The following CATSPERB variants were observed in gnomAD, a reference collection of about 807,000 sequenced individuals.
The protein encoded by CATSPERB is cation channel sperm-associated auxiliary subunit beta.
CATSPERB carries 93 observed loss-of-function variants against 128.3 expected under a neutral mutation model. The ratio of observed to expected loss-of-function variants is 0.72; its 90% CI spans 0.61 to 0.86. The LOEUF (loss-of-function observed/expected upper bound fraction) is 0.86. Ranked by LOEUF, CATSPERB falls within the 40% of genes least tolerant of loss-of-function variation. The pLI is 0.00. For synonymous variants in CATSPERB, 381 were observed against 448.8 expected (o/e 0.85, Z 1.91); for missense variants, 1,153 against 1,329.5 (o/e 0.87, Z 2.06).
intron 2 of CATSPERB, among the ~76,000 whole-genome samples, chr14:91,728,448 C>A (rs1481165213): frequency 6.6e-6 from 1 of 152,142 alleles, no homozygotes; most frequent in African/African-American, 2.4e-5. Context: ...CTCATTGCAA[C>A]TAATTGATTT....
rs766579152 is a variant in CATSPERB at position 91,636,556 on chromosome 14, A to G, written c.1611T>C (p.Thr537=). The G allele has an allele frequency of 6.2e-7, 1 of 1,614,020 alleles. No homozygotes were observed. The highest frequency in any genetic ancestry group is 1.1e-5 in the South Asian group (1 of 91,048). ...AGGAGGTGTGCTGTGGGGCAAGCGC[A>G]GTCTCAAAGCCCATATCTGGAGGCT... ...FGQPPDMGFE[T]ALAPQHTSLD... Residue 537 remains threonine (T), a synonymous_variant, in exon 17 of 27, where the codon ACT becomes ACC. Transcript: ENST00000256343.
chr14:91,724,933 A>G, intron 3 of CATSPERB, 147 bp downstream of exon 3: 6 of 387,284 alleles, frequency 1.5e-5, no homozygotes, highest in Admixed American at 4.5e-5. Flanking sequence ...TAGCAAAGAT[A>G]GAAAAAATTA....
chr14:91,690,678 C>T (rs1335228324), intron 10 of CATSPERB, among the ~76,000 whole-genome samples: 2 of 152,236 alleles, frequency 1.3e-5, no homozygotes, highest in Admixed American at 1.3e-4. Flanking sequence ...ATTAGTATGA[C>T]AATTAGTCAG....
intron 7 of CATSPERB, among the ~76,000 whole-genome samples, chr14:91,701,910 CAAA>C (rs68037916): frequency 2.5e-4 from 35 of 138,388 alleles, no homozygotes; most frequent in East Asian, 8.6e-4. Flanking sequence ...GACCCTGTCT[CAAA>C]AAAAAAAAAA....
At chr14:91,582,012 G>T (rs948405820) in intron 26 of CATSPERB, among the ~76,000 whole-genome samples, 2 of 152,164 alleles carry the variant, frequency 1.3e-5, no homozygotes, top group Admixed American at 6.5e-5. Context: ...TGATTTCTTA[G>T]AAACAGTCCC....
At chr14:91,605,131 C>A in intron 22 of CATSPERB, 1 of 1,299,746 alleles carries the variant, frequency 7.7e-7, no homozygotes, top group Non-Finnish European at 1.1e-6. Context: ...CAGGGCTGTC[C>A]TAAATAAGCA....
chr14:91,648,134 T>A (rs1256828703), intron 15 of CATSPERB, among the ~76,000 whole-genome samples: 1 of 152,188 alleles, frequency 6.6e-6, no homozygotes, highest in Non-Finnish European at 1.5e-5. Flanking sequence ...TTCATACTTG[T>A]GGCCACTTTT....
chr14:91,641,304 C>T (rs1393003924), intron 15 of CATSPERB, among the ~76,000 whole-genome samples: 2 of 148,380 alleles, frequency 1.3e-5, no homozygotes, highest in African/African-American at 5.0e-5. Context: ...GACATGAAGT[C>T]CTTGCCCATG....
chr14:91,623,754 A>G (rs1019056247), intron 18 of CATSPERB, among the ~76,000 whole-genome samples: 3 of 152,336 alleles, frequency 2.0e-5, no homozygotes, highest in Admixed American at 2.0e-4. Context: ...AAGTCAGATC[A>G]TATCACTTTC....
intron 15 of CATSPERB, among the ~76,000 whole-genome samples, chr14:91,652,080 G>C (rs1370635172): frequency 1.3e-5 from 2 of 152,072 alleles, no homozygotes; most frequent in East Asian, 3.9e-4. Context: ...TAAAAGGAAA[G>C]ATTGGTCAAT....
intron 25 of CATSPERB, among the ~76,000 whole-genome samples, chr14:91,587,477 CTTTTTTTT>C (rs3029803): frequency 7.5e-4 from 76 of 101,538 alleles, no homozygotes; most frequent in African/African-American, 1.8e-3. Flanking sequence ...ATAGCTGATA[CTTTTTTTT>C]TTTTTTTTTT....
chr14:91,604,547 G>T, intron 22 of CATSPERB: 3 of 1,608,038 alleles, frequency 1.9e-6, no homozygotes. Context: ...ACTGGCAGGA[G>T]AATTTGGCTG....
chr14:91,597,671 G>T (rs1349216880), intron 22 of CATSPERB, among the ~76,000 whole-genome samples: 6 of 152,072 alleles, frequency 3.9e-5, no homozygotes, highest in Non-Finnish European at 5.9e-5. Flanking sequence ...TTCTGCGATA[G>T]TCCCCGGGCC....
chr14:91,612,037 T>TTTCTTTCTTTCTTTCA (rs1566703274), intron 20 of CATSPERB, among the ~76,000 whole-genome samples: 11 of 101,752 alleles, frequency 1.1e-4, no homozygotes, highest in African/African-American at 3.3e-4. Context: ...TCTTTCTTTC[T>TTTCTTTCTTTCTTTCA]TTCTTTCTTT....
At chr14:91,589,722 T>C in intron 23 of CATSPERB, 53 bp from the exon 24 acceptor site, 1 of 1,563,928 alleles carries the variant, frequency 6.4e-7, no homozygotes, top group Non-Finnish European at 8.7e-7. Flanking sequence ...CAATAGTCAC[T>C]TCATTTCCTG....
At chr14:91,700,874 A>G (rs1895636650) in intron 7 of CATSPERB, among the ~76,000 whole-genome samples, 1 of 152,150 alleles carries the variant, frequency 6.6e-6, no homozygotes, top group South Asian at 2.1e-4. Flanking sequence ...TATGCTCACT[A>G]TCTGGGTGGT....
chr14:91,597,053 AT>A lies in CATSPERB; in HGVS notation c.2710-5052del, dbSNP rs542312618. On this transcript the variant is annotated intron_variant, in intron 22 of 26. Coordinates refer to ENST00000256343, the MANE Select transcript of CATSPERB (RefSeq NM_024764.4). ...AGGCACCCACCACCACGCCCAGCTAATTTTTTTTTTTTTGTATTTTTAGTAG... is the reference window on the plus strand; with the variant it reads ...AGGCACCCACCACCACGCCCAGCTAATTTTTTTTTTTTGTATTTTTAGTAG... Among the ~76,000 whole-genome samples, 209 of 144,704 alleles carry A rather than the reference AT, an allele frequency of 1.4e-3. 1 individual carries two copies. The highest frequency in any genetic ancestry group is 3.5e-3 in the Middle Eastern group (1 of 286). 94.9% of individuals were successfully genotyped at this position (144,704 alleles called of 152,430 possible). A position where few individuals can be genotyped will look rare whatever the true frequency, so the allele number is the denominator to read the frequency against.
At chr14:91,721,848 TAAA>T (rs774942210) in intron 4 of CATSPERB, among the ~76,000 whole-genome samples, 1 of 112,286 alleles carries the variant, frequency 8.9e-6, no homozygotes, top group Admixed American at 9.3e-5. Context: ...AGACTCTGTC[TAAA>T]AAAAAAAAAA....
chr14:91,665,634 C>T (rs1238304104), intron 14 of CATSPERB, among the ~76,000 whole-genome samples: 3 of 152,066 alleles, frequency 2.0e-5, no homozygotes, highest in Non-Finnish European at 4.4e-5. Context: ...CTTTGGGAGG[C>T]GAAAACGGCC....
Sources: gnomAD v4.1 joint callset for allele counts (sites outside exome capture counted in the v4.1 genomes callset) on GRCh38, gnomAD v4.1.1 for gene constraint, MANE v1.5 for transcripts, NCBI Gene and HGNC (gene_info 2026-07-23, HGNC 2026-07-21) for gene names.